The following ALG14 variants were observed in gnomAD, a reference collection of about 807,000 sequenced individuals.
The protein encoded by ALG14 is UDP-N-acetylglucosamine transferase subunit ALG14.
ALG14 carries 17 observed loss-of-function variants against 22.8 expected under a neutral mutation model. The ratio of observed to expected loss-of-function variants is 0.75; its 90% CI spans 0.51 to 1.12. ALG14 has a LOEUF of 1.12. Among genes scored for constraint, ALG14 ranks in the 50% most tolerant of loss-of-function variants. The probability of loss-of-function intolerance (pLI) is 0.00; values close to 1 mark genes in which losing one functional copy is unlikely to be tolerated. For missense variants in ALG14, 288 were observed against 271.8 expected (o/e 1.06, Z -0.42); for synonymous variants, 89 against 103.7 (o/e 0.86, Z 0.86).
Position 94,982,992 on chromosome 1 carries a change from A to G in ALG14, c.*84T>C. ...CTCAGGACTGTCAGACGCCTTTACA[A>G]GAAACATGTAGGGTTTTTTTCCCCC... On this transcript the variant is annotated 3_prime_UTR_variant, in exon 4 of 4. Transcript: ENST00000370205. The G allele has an allele frequency of 8.5e-7, 1 of 1,175,922 alleles. No homozygotes were observed. 72.8% of individuals were successfully genotyped at this position (1,175,922 alleles called of 1,614,324 possible).
rs552951826 is a variant in ALG14, at chr1:95,044,867, A to G, written c.289-17607T>C. On this transcript the variant is annotated intron_variant, in intron 2 of 3. Coordinates refer to ENST00000370205, the MANE Select transcript of ALG14 (RefSeq NM_144988.4). ...AGCAAATATTTATTGCTGAATAAAC[A>G]AAGTATTTTTTTTTTAAAAAAAGCA... Among the ~76,000 whole-genome samples the G allele has an allele frequency of 2.0e-5, 3 of 151,760 alleles. No homozygotes were observed. In the East Asian group the frequency reaches 5.8e-4, roughly 29 times the overall value.
intron 2 of ALG14, among the ~76,000 whole-genome samples, chr1:95,029,321 TA>T: frequency 6.6e-6 from 1 of 152,236 alleles, no homozygotes; most frequent in Non-Finnish European, 1.5e-5. Context: ...GCTAGCCTCT[TA>T]AAAGTAAGTG....
intron 3 of ALG14, among the ~76,000 whole-genome samples, chr1:94,999,718 C>T (rs1673008198): frequency 6.6e-6 from 1 of 152,216 alleles, no homozygotes; most frequent in Admixed American, 6.5e-5. Context: ...ACCTTCTTAT[C>T]CTGCTGGGAA....
In ALG14 at chr1:94,989,401, A is replaced by T. The variant is rs17112832; in HGVS notation, c.421-6095T>A. On this transcript the variant is annotated intron_variant, in intron 3 of 3. Transcript: ENST00000370205. ...AGAATTTGTTTAAGCAATTTCCCAG[A>T]GTATGAGCTGTGGTTGCAGGCAAAG... Among the ~76,000 whole-genome samples the T allele has an allele frequency of 3.3e-3, 497 of 152,236 alleles. 1 individual carries two copies. The highest frequency in any genetic ancestry group is 0.011 in the African/African-American group (477 of 41,530).
In ALG14 at chr1:95,036,404, G is replaced by C. The variant is rs559489646; in HGVS notation, c.289-9144C>G. ...GGCCTCCCCAGCCATGTGGAACTGT[G>C]AGTCAATTAAACCTCTTTTTTTTTT... On this transcript the variant is annotated intron_variant, in intron 2 of 3. Coordinates refer to ENST00000370205, the MANE Select transcript of ALG14 (RefSeq NM_144988.4). 6.7e-5 allele frequency among the ~76,000 whole-genome samples: 10 copies of C among 148,832 alleles called. 1 individual carries two copies. The South Asian group carries it at 1.9e-3, about 29-fold the overall frequency.
intron 3 of ALG14, among the ~76,000 whole-genome samples, chr1:95,000,250 T>C (rs989805688): frequency 6.6e-6 from 1 of 152,012 alleles, no homozygotes; most frequent in African/African-American, 2.4e-5. Context: ...AGAAATATAT[T>C]TCTGGCCAGG....
chr1:95,040,823 A>C (rs1674355672), intron 2 of ALG14, among the ~76,000 whole-genome samples: 1 of 152,232 alleles, frequency 6.6e-6, no homozygotes, highest in Non-Finnish European at 1.5e-5. Context: ...TCATGTTGTA[A>C]GAATCCCATA....
At chr1:95,066,164 T>C (rs547859580) in intron 1 of ALG14, among the ~76,000 whole-genome samples, 2 of 152,214 alleles carry the variant, frequency 1.3e-5, no homozygotes, top group South Asian at 4.1e-4. Flanking sequence ...TATATAGTGA[T>C]ACAAGAACAC....
intron 2 of ALG14, among the ~76,000 whole-genome samples, chr1:95,045,340 G>C (rs1479357687): frequency 6.6e-6 from 1 of 151,976 alleles, no homozygotes; most frequent in Non-Finnish European, 1.5e-5. Context: ...CTCTTCTTTT[G>C]GTTCTGATTT....
At position 94,982,133 on chromosome 1, in the gene ALG14, T is replaced by TC. The variant is rs1380574059; in HGVS notation, c.*942_*943insG. The TC allele has an allele frequency of 2.6e-5, 4 of 151,162 alleles. No homozygotes were observed. Among genetic ancestry groups the TC allele is most frequent in the Admixed American group, 6.6e-5 (1 of 15,184 alleles). The allele number at this position is 151,162 out of a possible 1,614,324, so 9.4% of individuals were successfully genotyped here. On this transcript the variant is annotated 3_prime_UTR_variant, in exon 4 of 4. Coordinates refer to ENST00000370205, the MANE Select transcript of ALG14 (RefSeq NM_144988.4). ...TCATTGAGTTTTGTTTTTTTTTTTT[T>TC]TTTTTGAGACGAAGTTTCACTCTTG...
intron 3 of ALG14, among the ~76,000 whole-genome samples, chr1:95,001,212 G>A (rs911535855): frequency 6.6e-6 from 1 of 152,214 alleles, no homozygotes; most frequent in Non-Finnish European, 1.5e-5. Context: ...TAAGGAGAAA[G>A]AGCAGCTTGC....
At chr1:95,000,639 A>G (rs1673039802) in intron 3 of ALG14, among the ~76,000 whole-genome samples, 1 of 151,916 alleles carries the variant, frequency 6.6e-6, no homozygotes, top group Admixed American at 6.6e-5. Flanking sequence ...AGCAGACTTA[A>G]TTGTTCCAAA....
At chr1:95,038,615 A>G (rs1674273469) in intron 2 of ALG14, among the ~76,000 whole-genome samples, 1 of 146,804 alleles carries the variant, frequency 6.8e-6, no homozygotes, top group African/African-American at 2.5e-5. Flanking sequence ...TGGGAGGTGG[A>G]GGTTGCAGTG....
chr1:95,056,771 ACTT>A (rs1411502922), intron 2 of ALG14, among the ~76,000 whole-genome samples: 2 of 150,880 alleles, frequency 1.3e-5, no homozygotes, highest in African/African-American at 4.8e-5. Flanking sequence ...AAAATCTAAA[ACTT>A]CTGGCTGGGC....
Position 94,975,667 on chromosome 1 carries a change from G to A in ALG14, c.*7409C>T, listed in dbSNP as rs996504782. On this transcript the variant is annotated 3_prime_UTR_variant, in exon 4 of 4. Transcript: ENST00000370205. ...CAGCATGTATTTTCTGGGTTTTCTT[G>A]GACTATAGCCACCCTAGGGGGTTGC... 1.3e-5 allele frequency: 2 copies of A among 151,970 alleles called. No individual in the cohort carries two copies. The highest frequency in any genetic ancestry group is 4.8e-5 in the African/African-American group (2 of 41,362). The allele number at this position is 151,970 out of a possible 1,614,324, so 9.4% of individuals were successfully genotyped here.
chr1:95,044,935 G>T lies in ALG14; in HGVS notation c.289-17675C>A, dbSNP rs115187432. 9.4e-3 allele frequency among the ~76,000 whole-genome samples: 1,428 copies of T among 152,062 alleles called. 25 individuals carry two copies. The highest frequency in any genetic ancestry group is 0.033 in the African/African-American group (1,369 of 41,482). Reference sequence around the variant, plus strand: ...ACTGCATTATAAATTTGGGAAAACTGAAAATCTTTGTTAAGTTTTTAAACA... The same window carrying T: ...ACTGCATTATAAATTTGGGAAAACTTAAAATCTTTGTTAAGTTTTTAAACA... On this transcript the variant is annotated intron_variant, in intron 2 of 3. Transcript: ENST00000370205.
intron 3 of ALG14, among the ~76,000 whole-genome samples, chr1:94,990,009 G>A (rs576787117): frequency 6.6e-6 from 1 of 152,152 alleles, no homozygotes; most frequent in Non-Finnish European, 1.5e-5. Flanking sequence ...AAACATGGAT[G>A]GCGACTGCAC....
At chr1:95,070,946 G>A (rs758682959) in intron 1 of ALG14, among the ~76,000 whole-genome samples, 3 of 151,962 alleles carry the variant, frequency 2.0e-5, no homozygotes, top group Non-Finnish European at 4.4e-5. Flanking sequence ...TCACTATGTT[G>A]CCCAGGCTGG....
chr1:95,063,192 T>C (rs532851944), intron 2 of ALG14, among the ~76,000 whole-genome samples: 2 of 152,390 alleles, frequency 1.3e-5, no homozygotes, highest in South Asian at 4.1e-4. Flanking sequence ...CTCTGTATAT[T>C]AGACCTTTGT....
Sources: gnomAD v4.1 joint callset for allele counts (sites outside exome capture counted in the v4.1 genomes callset) on GRCh38, gnomAD v4.1.1 for gene constraint, MANE v1.5 for transcripts, NCBI Gene and HGNC (gene_info 2026-07-23, HGNC 2026-07-21) for gene names.